Variants in OR4F15 observed in about 807,000 individuals in gnomAD.
OR4F15 encodes olfactory receptor family 4 subfamily F member 15.
Under a neutral mutation model 11.9 loss-of-function variants are expected in OR4F15, and 7 were observed. That is an observed-to-expected ratio of 0.59 (90% CI 0.33 to 1.10). OR4F15 has a LOEUF of 1.10. OR4F15 is among the 50% of genes least tolerant of loss of function. The pLI, the probability that OR4F15 is intolerant of heterozygous loss-of-function variation, is 0.03. For missense variants in OR4F15, 445 were observed against 377.5 expected (o/e 1.18, Z -1.48); for synonymous variants, 151 against 134.6 (o/e 1.12, Z -0.84).
Position 101,818,795 on chromosome 15 carries a change from T to A in OR4F15, c.609T>A (p.Ser203Arg). Residue 203 changes from serine (S) to arginine (R), a missense_variant, in exon 2 of 2, where the codon AGT becomes AGA. Coordinates refer to ENST00000332238, the MANE Select transcript of OR4F15 (RefSeq NM_001001674.2). ...QELEFMVTVN[S>R]GLISVGSFVL... Reference sequence around the variant, plus strand: ...TGGAGTTCATGGTCACTGTCAATAGTGGACTCATTTCTGTGGGCTCCTTTG... The same window carrying A: ...TGGAGTTCATGGTCACTGTCAATAGAGGACTCATTTCTGTGGGCTCCTTTG... The A allele has an allele frequency of 6.2e-7, 1 of 1,614,134 alleles. No individual in the cohort carries two copies. Among genetic ancestry groups the A allele is most frequent in the Non-Finnish European group, 8.5e-7 (1 of 1,179,986 alleles).
rs1052475140 is a variant in OR4F15 at position 101,818,498 on chromosome 15, C to T, written c.312C>T (p.Ser104=). 1.9e-6 allele frequency: 3 copies of T among 1,614,016 alleles called. No homozygotes were observed. The highest frequency in any genetic ancestry group is 2.5e-6 in the Non-Finnish European group (3 of 1,180,018). ...FRGCITQIFF[S]HALGGTEMVL... is the part of the protein sequence containing the mutation. ...GATGTATTACTCAGATCTTCTTTAG[C>T]CATGCTCTTGGGGGCACTGAGATGG... The change falls in exon 2 of 2, where the codon AGC becomes AGT. Residue 104 remains serine (S), a synonymous_variant. Coordinates refer to ENST00000332238, the MANE Select transcript of OR4F15 (RefSeq NM_001001674.2).
At chr15:101,818,017 A>G (rs1268291244) in intron 1 of OR4F15, 133 bp from the exon 2 acceptor site, 3 of 587,660 alleles carry the variant, frequency 5.1e-6, no homozygotes, top group African/African-American at 3.7e-5. Context: ...GTGGAAGTCC[A>G]GGGTGCATGT....
Position 101,819,045 on chromosome 15 carries a change from T to C in OR4F15, c.859T>C (p.Tyr287His), listed in dbSNP as rs767352004. 5 of 1,613,984 alleles carry C rather than the reference T, an allele frequency of 3.1e-6. No homozygotes were observed. Among genetic ancestry groups the C allele is most frequent in the Non-Finnish European group, 3.4e-6 (4 of 1,179,890 alleles). ...FITPFLNPVI[Y>H]TFRNKDMKVA... is the part of the protein sequence containing the mutation. ...TACTCCTTTTCTGAATCCAGTTATC[T>C]ACACATTCAGGAACAAAGACATGAA... Residue 287 changes from tyrosine (Y) to histidine (H), a missense_variant, in exon 2 of 2, where the codon TAC becomes CAC. Coordinates refer to ENST00000332238, the MANE Select transcript of OR4F15 (RefSeq NM_001001674.2).
rs200358564 is a variant in OR4F15 at position 101,818,489 on chromosome 15, C to T, written c.303C>T (p.Ile101=). Residue 101 remains isoleucine, a synonymous_variant, in exon 2 of 2, where the codon ATC becomes ATT. Coordinates refer to ENST00000332238, the MANE Select transcript of OR4F15 (RefSeq NM_001001674.2). ...CCTTTCGGGGATGTATTACTCAGAT[C>T]TTCTTTAGCCATGCTCTTGGGGGCA... The part of the protein sequence containing the change: ...AISFRGCITQ[I]FFSHALGGTE... The T allele has an allele frequency of 2.5e-6, 4 of 1,614,142 alleles. No homozygotes were observed. In the East Asian group the frequency reaches 8.9e-5, roughly 36 times the overall value.
At chr15:101,814,055 TG>T (rs992705383) in intron 1 of OR4F15, among the ~76,000 whole-genome samples, 4 of 152,170 alleles carry the variant, frequency 2.6e-5, no homozygotes. Flanking sequence ...GACCCAAAGA[TG>T]AATACTTAAT....
At chr15:101,813,645 T>C (rs2141619666) in intron 1 of OR4F15, among the ~76,000 whole-genome samples, 1 of 152,274 alleles carries the variant, frequency 6.6e-6, no homozygotes, top group South Asian at 2.1e-4. Flanking sequence ...TAGTCTCAGA[T>C]CTTTTCCAGC....
chr15:101,817,458 T>C (rs1903009316), intron 1 of OR4F15, among the ~76,000 whole-genome samples: 1 of 152,122 alleles, frequency 6.6e-6, no homozygotes, highest in Non-Finnish European at 1.5e-5. Flanking sequence ...GGAGCTACCG[T>C]TGTGGATCAG....
At chr15:101,813,966 TC>T (rs749205391) in intron 1 of OR4F15, among the ~76,000 whole-genome samples, 1 of 152,170 alleles carries the variant, frequency 6.6e-6, no homozygotes, top group Non-Finnish European at 1.5e-5. Context: ...GAGAACACAT[TC>T]TTTCCATGGA....
In OR4F15 at chr15:101,818,788, T is replaced by A; in HGVS notation, c.602T>A (p.Val201Asp). Residue 201 changes from valine to aspartate, a missense_variant, in exon 2 of 2, where the codon GTC becomes GAC. Val to Asp is a radical substitution (Grantham distance 152, BLOSUM62 -3). Coordinates refer to ENST00000332238, the MANE Select transcript of OR4F15 (RefSeq NM_001001674.2). ...NTQELEFMVTVNSGLISVGSF... is the reference protein window; with the variant it reads ...NTQELEFMVTDNSGLISVGSF... Reference sequence around the variant, plus strand: ...CAAGAACTGGAGTTCATGGTCACTGTCAATAGTGGACTCATTTCTGTGGGC... The same window carrying A: ...CAAGAACTGGAGTTCATGGTCACTGACAATAGTGGACTCATTTCTGTGGGC... 6.2e-7 allele frequency: 1 copy of A among 1,614,134 alleles called. No individual in the cohort carries two copies. The highest frequency in any genetic ancestry group is 1.1e-5 in the South Asian group (1 of 91,084).
intron 1 of OR4F15, among the ~76,000 whole-genome samples, chr15:101,813,508 CAAAAAA>C (rs11311342): frequency 9.3e-6 from 1 of 107,370 alleles, no homozygotes; most frequent in African/African-American, 3.5e-5. Flanking sequence ...GAATCTGTCT[CAAAAAA>C]AAAAAAAAAA....
At position 101,819,091 on chromosome 15, in the gene OR4F15, G is replaced by A; in HGVS notation, c.905G>A (p.Cys302Tyr). The A allele has an allele frequency of 1.9e-6, 3 of 1,612,440 alleles. No homozygotes were observed. The highest frequency in any genetic ancestry group is 2.2e-5 in the South Asian group (2 of 90,918). ...ATGAAAGTGGCAATGAGGAGACTGT[G>A]CAGTCGTCTTGCGCATTTTACAAAG... ...KDMKVAMRRL[C>Y]SRLAHFTKIL is the part of the protein sequence containing the mutation. Residue 302 changes from cysteine (C) to tyrosine (Y), a missense_variant, in exon 2 of 2, where the codon TGC becomes TAC. By Grantham distance (194) the Cys-to-Tyr change is radical. Transcript: ENST00000332238.
At chr15:101,813,521 A>G (rs903750296) in intron 1 of OR4F15, among the ~76,000 whole-genome samples, 2 of 151,924 alleles carry the variant, frequency 1.3e-5, no homozygotes, top group African/African-American at 4.8e-5. Flanking sequence ...AAAAAAAAAA[A>G]AAAAATGCAT....
intron 1 of OR4F15, among the ~76,000 whole-genome samples, chr15:101,815,016 T>C (rs143348686): frequency 2.1e-4 from 32 of 152,298 alleles, no homozygotes; most frequent in African/African-American, 7.2e-4. Context: ...ATAGCATCTT[T>C]GCTAGAAGGC....
At chr15:101,816,703 A>G (rs1166844170) in intron 1 of OR4F15, among the ~76,000 whole-genome samples, 3 of 152,180 alleles carry the variant, frequency 2.0e-5, no homozygotes, top group Admixed American at 2.0e-4. Context: ...TATAAAACAT[A>G]AATGTTGGAC....
chr15:101,819,092 CA>C lies in OR4F15; in HGVS notation c.907del (p.Ser303ValfsTer19). ...DMKVAMRRLCSRLAHFTKIL is the reference protein window; with the variant it reads ...DMKVAMRRLCXRLAHFTKIL ...TGAAAGTGGCAATGAGGAGACTGTG[CA>C]GTCGTCTTGCGCATTTTACAAAGAT... On this transcript the variant is annotated frameshift_variant, in exon 2 of 2. Transcript: ENST00000332238. LOFTEE classifies it high-confidence loss of function. The C allele has an allele frequency of 6.2e-7, 1 of 1,611,958 alleles. No individual in the cohort carries two copies. Among genetic ancestry groups the C allele is most frequent in the Non-Finnish European group, 8.5e-7 (1 of 1,178,688 alleles).
intron 1 of OR4F15, among the ~76,000 whole-genome samples, chr15:101,814,301 A>G (rs1902954199): frequency 1.3e-5 from 2 of 152,186 alleles, no homozygotes; most frequent in Admixed American, 6.5e-5. Flanking sequence ...AGCCCTTGAT[A>G]ATCCTTCTTG....
chr15:101,818,464 C>G lies in OR4F15; in HGVS notation c.278C>G (p.Ser93Cys), dbSNP rs1460634616. ...CDIFKKHKAI[S>C]FRGCITQIFF... ...ATTTTCAAGAAGCACAAGGCCATCT[C>G]CTTTCGGGGATGTATTACTCAGATC... Residue 93 changes from serine (S) to cysteine (C), a missense_variant, in exon 2 of 2, where the codon TCC (serine) becomes TGC (cysteine). Ser to Cys is a moderately radical substitution (Grantham distance 112). Transcript: ENST00000332238. The G allele has an allele frequency of 6.2e-7, 1 of 1,614,146 alleles. No individual in the cohort carries two copies.
Position 101,818,897 on chromosome 15 carries a change from C to T in OR4F15, c.711C>T (p.Leu237=). Residue 237 remains leucine, a synonymous_variant, in exon 2 of 2, where the codon CTC becomes CTT. Transcript: ENST00000332238. ...KHSSGGLAKA[L]STLSAHVTVV... ...CTTCTGGTGGTCTAGCCAAGGCCCT[C>T]TCTACCCTGTCAGCTCATGTCACTG... 6.2e-7 allele frequency: 1 copy of T among 1,614,168 alleles called. No individual in the cohort carries two copies.
At chr15:101,818,102 A>G (rs916541282) in intron 1 of OR4F15, 48 bp from the exon 2 acceptor site, 2 of 886,820 alleles carry the variant, frequency 2.3e-6, no homozygotes, top group Middle Eastern at 2.5e-4. Context: ...TTTCTTGAAC[A>G]TGAATACTTG....
Sources: gnomAD v4.1 joint callset for allele counts (sites outside exome capture counted in the v4.1 genomes callset) on GRCh38, gnomAD v4.1.1 for gene constraint, MANE v1.5 for transcripts, NCBI Gene and HGNC (gene_info 2026-07-23, HGNC 2026-07-21) for gene names.